Variants in ITSN2 observed in about 807,000 individuals in gnomAD.
The protein encoded by ITSN2 is intersectin-2.
A neutral mutation model predicts 243.7 loss-of-function variants in ITSN2; 156 were observed. The observed-to-expected ratio is 0.64, with a 90% CI of 0.56 to 0.73. ITSN2 has a LOEUF of 0.73. ITSN2 is among the 30% of genes least tolerant of loss of function. The probability of loss-of-function intolerance (pLI) is 0.00; values close to 1 mark genes in which losing one functional copy is unlikely to be tolerated. For missense variants in ITSN2, 1,801 were observed against 1,996.1 expected (o/e 0.90, Z 1.86); for synonymous variants, 703 against 699.9 (o/e 1.00, Z -0.07).
chr2:24,233,784 G>A lies in ITSN2; in HGVS notation c.3577+12345C>T, dbSNP rs115220991. Among the ~76,000 whole-genome samples the A allele has an allele frequency of 4.0e-3, 614 of 152,220 alleles. 3 individuals are homozygous for A. Among genetic ancestry groups the A allele is most frequent in the African/African-American group, 0.013 (553 of 41,504 alleles). Reference sequence around the variant, plus strand: ...ACTTATACAGACCAGGCTAAGGCTCGGAGGGGTGAGCTAGCTGAGACAGGA... The same window carrying A: ...ACTTATACAGACCAGGCTAAGGCTCAGAGGGGTGAGCTAGCTGAGACAGGA... On this transcript the variant is annotated intron_variant, in intron 29 of 39. Transcript: ENST00000355123.
At chr2:24,288,769 A>C (rs1387856768) in intron 15 of ITSN2, among the ~76,000 whole-genome samples, 1 of 152,148 alleles carries the variant, frequency 6.6e-6, no homozygotes, top group Non-Finnish European at 1.5e-5. Context: ...TCTTGAACTT[A>C]TTCCTCCTAT....
chr2:24,246,519 T>C (rs533821021), intron 28 of ITSN2, among the ~76,000 whole-genome samples, 199 bp from the exon 29 acceptor site: 31 of 152,256 alleles, frequency 2.0e-4, no homozygotes, highest in African/African-American at 7.0e-4. Flanking sequence ...CAACTGCAGT[T>C]AACAATCCAA....
At chr2:24,231,287 A>T (rs1671563749) in intron 29 of ITSN2, among the ~76,000 whole-genome samples, 3 of 152,178 alleles carry the variant, frequency 2.0e-5, no homozygotes, top group Admixed American at 2.0e-4. Context: ...TTTTTGTCTT[A>T]TAATTTGCCA....
Position 24,209,100 on chromosome 2 carries a change from C to T in ITSN2, c.4595G>A (p.Arg1532Lys). The change falls in exon 36 of 40, where the codon AGG (arginine) becomes AAG (lysine). Residue 1532 changes from arginine (R) to lysine (K), a missense_variant and splice_region_variant. This residue lies in a region of ITSN2 where 928 missense variants were observed against 1,065.4 expected (regional missense o/e 0.87). Transcript: ENST00000355123. Reference sequence around the variant, plus strand: ...CAGGCCACACATGGTCAGGACTGACCTCTCATTAATGTTGTCTGTTCGGAG... The same window carrying T: ...CAGGCCACACATGGTCAGGACTGACTTCTCATTAATGTTGTCTGTTCGGAG... ...YTLRTDNINERTAWVQKIKAA... is the reference protein window; with the variant it reads ...YTLRTDNINEKTAWVQKIKAA... 1.2e-6 allele frequency: 2 copies of T among 1,614,014 alleles called. No homozygotes were observed. Among genetic ancestry groups the T allele is most frequent in the African/African-American group, 2.7e-5 (2 of 75,040 alleles).
In ITSN2 at chr2:24,293,693, G is replaced by A. The variant is rs952507792; in HGVS notation, c.1718C>T (p.Thr573Ile). The change falls in exon 15 of 40, where the codon ACA becomes ATA. Residue 573 changes from threonine (T) to isoleucine (I), a missense_variant. Thr to Ile is a moderately conservative substitution (Grantham distance 89). Transcript: ENST00000355123. ...ERIKNMQFSN[T>I]PDSGVSLLHK... ...GACAAACCTTAGAGACTTACCAGGT[G>A]TGTTACTGAACTGCATGTTTTTAAT... The A allele has an allele frequency of 2.7e-6, 3 of 1,101,136 alleles. No individual in the cohort carries two copies. Among genetic ancestry groups the A allele is most frequent in the Non-Finnish European group, 4.0e-6 (3 of 754,556 alleles). 68.2% of individuals were successfully genotyped at this position (1,101,136 alleles called of 1,614,324 possible).
chr2:24,205,724 C>T (rs554296078), intron 37 of ITSN2: 18 of 178,434 alleles, frequency 1.0e-4, no homozygotes, highest in African/African-American at 3.0e-4. Context: ...CCCTCAATTG[C>T]CTAGCAAATA....
intron 1 of ITSN2, among the ~76,000 whole-genome samples, chr2:24,359,373 A>G (rs1688741315): frequency 6.6e-6 from 1 of 152,236 alleles, no homozygotes. Context: ...CACTAGTGAG[A>G]CAAACTAGAA....
intron 5 of ITSN2, 130 bp downstream of exon 5, chr2:24,312,082 C>G (rs1683322503): frequency 1.4e-6 from 1 of 715,420 alleles, no homozygotes; most frequent in Non-Finnish European, 2.2e-6. Flanking sequence ...TTTATTATCT[C>G]TAACATGAAA....
At chr2:24,324,100 T>C (rs1684885660) in intron 2 of ITSN2, among the ~76,000 whole-genome samples, 1 of 152,082 alleles carries the variant, frequency 6.6e-6, no homozygotes, top group Non-Finnish European at 1.5e-5. Context: ...GGCGTGGTGG[T>C]GAGCGCCTGT....
Position 24,280,011 on chromosome 2 carries a change from C to T in ITSN2, c.1945-4162G>A, listed in dbSNP as rs1010609222. On this transcript the variant is annotated intron_variant, in intron 17 of 39. Transcript: ENST00000355123. ...CCTCCCAAAGTGCTGGGATTACAGGCGTGAGCCACAGTACCTGGCCAGATG... is the reference window on the plus strand; with the variant it reads ...CCTCCCAAAGTGCTGGGATTACAGGTGTGAGCCACAGTACCTGGCCAGATG... Among the ~76,000 whole-genome samples, 10 of 152,128 alleles carry T rather than the reference C, an allele frequency of 6.6e-5. No individual in the cohort carries two copies. In the East Asian group the frequency reaches 1.7e-3, roughly 26 times the overall value.
intron 29 of ITSN2, among the ~76,000 whole-genome samples, chr2:24,222,116 G>GT (rs1325695654): frequency 6.6e-6 from 1 of 152,216 alleles, no homozygotes. Flanking sequence ...GCCAGGCGTG[G>GT]TGGTGGGCGC....
At chr2:24,255,275 A>C (rs1674865195) in intron 23 of ITSN2, among the ~76,000 whole-genome samples, 1 of 152,244 alleles carries the variant, frequency 6.6e-6, no homozygotes, top group Non-Finnish European at 1.5e-5. Context: ...GGCCTAGCAC[A>C]GTGCATGCAT....
At chr2:24,274,391 G>C (rs748726156) in intron 18 of ITSN2, among the ~76,000 whole-genome samples, 2 of 152,120 alleles carry the variant, frequency 1.3e-5, no homozygotes, top group African/African-American at 2.4e-5. Context: ...GCAACACAGA[G>C]AGGCCTCATC....
rs186654913 is a variant in ITSN2, at chr2:24,288,081, G to A, written c.1724-1730C>T. 2.2e-3 allele frequency among the ~76,000 whole-genome samples: 329 copies of A among 152,072 alleles called. 2 individuals are homozygous for A. Among genetic ancestry groups the A allele is most frequent in the Non-Finnish European group, 3.7e-3 (253 of 67,936 alleles). Reference sequence around the variant, plus strand: ...TATTTTTGTTTCCTGAGCTTTTGGTGTAATATCCAAAAAATCACTGCCAAG... The same window carrying A: ...TATTTTTGTTTCCTGAGCTTTTGGTATAATATCCAAAAAATCACTGCCAAG... On this transcript the variant is annotated intron_variant, in intron 15 of 39. Coordinates refer to ENST00000355123, the MANE Select transcript of ITSN2 (RefSeq NM_006277.3).
Position 24,251,309 on chromosome 2 carries a change from C to CAAAAAAAAAATTA in ITSN2, c.3120+1035_3120+1036insTAATTTTTTTTTT, listed in dbSNP as rs1275035112. On this transcript the variant is annotated intron_variant, in intron 25 of 39. Coordinates refer to ENST00000355123, the MANE Select transcript of ITSN2 (RefSeq NM_006277.3). ...TGGGCAACAGAACTAAACTCCATCT[C>CAAAAAAAAAATTA]AAAAAAAAAAAAAAATAAAATATAT... Among the ~76,000 whole-genome samples, 11 of 22,016 alleles carry CAAAAAAAAAATTA rather than the reference C, an allele frequency of 5.0e-4. 5 individuals carry two copies. The highest frequency in any genetic ancestry group is 3.2e-3 in the African/African-American group (11 of 3,484). 14.4% of individuals were successfully genotyped at this position (22,016 alleles called of 152,430 possible). A position where few individuals can be genotyped will look rare whatever the true frequency, so the allele number is the denominator to read the frequency against.
chr2:24,273,883 G>A (rs932311102), intron 18 of ITSN2: 1 of 152,352 alleles, frequency 6.6e-6, no homozygotes, highest in South Asian at 2.1e-4. Flanking sequence ...GAAAAGAAGG[G>A]AATATACCTG....
intron 29 of ITSN2, among the ~76,000 whole-genome samples, chr2:24,245,230 G>A (rs1043984186): frequency 1.3e-5 from 2 of 152,082 alleles, no homozygotes; most frequent in African/African-American, 2.4e-5. Flanking sequence ...TTCACACTTC[G>A]AGATCTGGAC....
upstream of ITSN2, chr2:24,360,770 G>C (rs1574435110): frequency 6.5e-6 from 1 of 152,946 alleles, no homozygotes; most frequent in Non-Finnish European, 1.5e-5. Flanking sequence ...GCCCTTCCTG[G>C]AGTTGCACAG....
intron 1 of ITSN2, among the ~76,000 whole-genome samples, chr2:24,351,073 C>T (rs1296127423): frequency 6.6e-6 from 1 of 152,062 alleles, no homozygotes; most frequent in Non-Finnish European, 1.5e-5. Flanking sequence ...CTCTATCTTC[C>T]GCCTACCCTA....
Sources: allele counts gnomAD v4.1 joint callset (sites outside exome capture counted in the v4.1 genomes callset), GRCh38; gene constraint gnomAD v4.1.1; regional missense constraint gnomAD v4.1.1; transcripts MANE v1.5; gene names NCBI Gene and HGNC (gene_info 2026-07-23, HGNC 2026-07-21).